Variants in PBX1 observed in about 807,000 individuals in gnomAD.
The protein encoded by PBX1 is pre-B-cell leukemia transcription factor 1.
A neutral mutation model predicts 53.4 loss-of-function variants in PBX1; 6 were observed. The ratio of observed to expected loss-of-function variants is 0.11; its 90% CI spans 0.06 to 0.22. PBX1 has a LOEUF of 0.22. Among genes scored for constraint, PBX1 ranks in the 10% least tolerant of loss-of-function variants. The pLI is 1.00. For missense variants in PBX1, 251 were observed against 551.4 expected, an observed-to-expected ratio of 0.46 and a Z score of 5.46; for synonymous variants, 204 against 212.3, an observed-to-expected ratio of 0.96 and a Z score of 0.34.
At chr1:164,707,416 T>TGAGAGAGAGAGA (rs1187837585) in intron 2 of PBX1, among the ~76,000 whole-genome samples, 1 of 106,048 alleles carries the variant, frequency 9.4e-6, no homozygotes, top group African/African-American at 4.7e-5. Context: ...TGTGTGTGTG[T>TGAGAGAGAGAGA]GTGAGAGAGA....
intron 2 of PBX1, among the ~76,000 whole-genome samples, chr1:164,666,434 T>C (rs1660811856): frequency 6.6e-6 from 1 of 152,228 alleles, no homozygotes; most frequent in Non-Finnish European, 1.5e-5. Flanking sequence ...CTAATGCTTA[T>C]GTTGTTATAA....
intron 1 of PBX1, chr1:164,562,965 T>TAA (rs34618409): frequency 1.1e-3 from 188 of 176,746 alleles, no homozygotes; most frequent in East Asian, 2.0e-3. Flanking sequence ...TTAAACTACT[T>TAA]AAAAAAAAAA....
intron 2 of PBX1, among the ~76,000 whole-genome samples, chr1:164,707,412 T>TGAGA (rs1222854394): frequency 1.9e-5 from 2 of 106,630 alleles, no homozygotes; most frequent in Admixed American, 8.9e-5. Flanking sequence ...TGTGTGTGTG[T>TGAGA]GTGTGTGAGA....
At chr1:164,745,541 T>C (rs1005667545) in intron 2 of PBX1, among the ~76,000 whole-genome samples, 14 of 152,172 alleles carry the variant, frequency 9.2e-5, no homozygotes, top group African/African-American at 3.4e-4. Flanking sequence ...CTGTGTAAAG[T>C]GATTTGAGGT....
At chr1:164,756,043 C>G (rs1270136925) in intron 2 of PBX1, among the ~76,000 whole-genome samples, 1 of 151,656 alleles carries the variant, frequency 6.6e-6, no homozygotes, top group Non-Finnish European at 1.5e-5. Flanking sequence ...CCCTTGCTTT[C>G]CCCTCTGCAC....
chr1:164,590,407 C>T (rs111700965), intron 2 of PBX1: 2 of 455,932 alleles, frequency 4.4e-6, no homozygotes, highest in African/African-American at 2.0e-5. Flanking sequence ...TGCTTCTTCC[C>T]AATCGCCGCC....
chr1:164,798,105 G>A, intron 3 of PBX1, among the ~76,000 whole-genome samples: 1 of 152,206 alleles, frequency 6.6e-6, no homozygotes, highest in East Asian at 1.9e-4. Context: ...ATTCATGGAG[G>A]CAGGGTCAAA....
Position 164,584,393 on chromosome 1 carries a change from T to C in PBX1, c.265+21082T>C, listed in dbSNP as rs72694593. The stretch of plus-strand genomic sequence containing the variant: ...AGAGAGAGAGAGAGAGATCTAAAAG[T>C]AGTATTGTCTGCTTGAAGGATACTA... On this transcript the variant is annotated intron_variant, in intron 2 of 8. Coordinates refer to ENST00000420696, the MANE Select transcript of PBX1 (RefSeq NM_002585.4). Among the ~76,000 whole-genome samples, 544 of 151,928 alleles carry C rather than the reference T, an allele frequency of 3.6e-3. 1 individual carries two copies. The highest frequency in any genetic ancestry group is 7.7e-3 in the Admixed American group (117 of 15,242).
chr1:164,660,775 G>A (rs1660442798), intron 2 of PBX1, among the ~76,000 whole-genome samples: 1 of 152,158 alleles, frequency 6.6e-6, no homozygotes, highest in South Asian at 2.1e-4. Context: ...TTTTTTTAAA[G>A]TATATTATTT....
chr1:164,593,928 C>G (rs1655582440), intron 2 of PBX1, among the ~76,000 whole-genome samples: 1 of 152,158 alleles, frequency 6.6e-6, no homozygotes, highest in African/African-American at 2.4e-5. Context: ...TAAGGTGAGG[C>G]TGATATTTTC....
At chr1:164,665,153 A>G (rs12562406) in intron 2 of PBX1, among the ~76,000 whole-genome samples, 11,895 of 152,304 alleles carry the variant, frequency 0.078, 828 homozygotes, top group African/African-American at 0.19. Flanking sequence ...TTGGCAACAT[A>G]GCTGTATCGG....
intron 2 of PBX1, chr1:164,657,305 G>T (rs531970196): frequency 6.6e-6 from 1 of 152,290 alleles, no homozygotes; most frequent in South Asian, 2.1e-4. Flanking sequence ...TATTCAGAAG[G>T]TGGGGACATC....
At chr1:164,700,243 G>A (rs923565915) in intron 2 of PBX1, among the ~76,000 whole-genome samples, 2 of 152,048 alleles carry the variant, frequency 1.3e-5, no homozygotes, top group African/African-American at 2.4e-5. Context: ...GGAGGCAAAC[G>A]CATTCTTAAT....
At chr1:164,795,272 T>C (rs764791117) in intron 3 of PBX1, among the ~76,000 whole-genome samples, 2 of 152,178 alleles carry the variant, frequency 1.3e-5, no homozygotes, top group African/African-American at 4.8e-5. Context: ...AGGGCTCTTA[T>C]TAGAATAATA....
At chr1:164,715,689 T>C (rs1346862093) in intron 2 of PBX1, among the ~76,000 whole-genome samples, 1 of 152,206 alleles carries the variant, frequency 6.6e-6, no homozygotes, top group East Asian at 1.9e-4. Flanking sequence ...AGCTCATGCC[T>C]TCAAAGTCTA....
At chr1:164,669,422 A>G (rs80097574) in intron 2 of PBX1, among the ~76,000 whole-genome samples, 6,057 of 152,250 alleles carry the variant, frequency 0.04, 251 homozygotes, top group African/African-American at 0.096. Flanking sequence ...CCTCTCCCAA[A>G]TCCACAGAGG....
chr1:164,721,731 T>C (rs1664416636), intron 2 of PBX1, among the ~76,000 whole-genome samples: 2 of 152,170 alleles, frequency 1.3e-5, no homozygotes. Flanking sequence ...GGCTCCTCCT[T>C]CTCGGCTTGA....
chr1:164,562,197 G>C (rs2101685259), intron 1 of PBX1, among the ~76,000 whole-genome samples: 1 of 152,124 alleles, frequency 6.6e-6, no homozygotes, highest in East Asian at 1.9e-4. Flanking sequence ...CATAGGGCAT[G>C]TTTCTGATCT....
chr1:164,730,565 T>C (rs1434065151), intron 2 of PBX1, among the ~76,000 whole-genome samples: 1 of 152,166 alleles, frequency 6.6e-6, no homozygotes, highest in Non-Finnish European at 1.5e-5. Flanking sequence ...GGTTCCATAC[T>C]CCAGTCCCTA....
Sources: gnomAD v4.1 joint callset for allele counts (sites outside exome capture counted in the v4.1 genomes callset) on GRCh38, gnomAD v4.1.1 for gene constraint, MANE v1.5 for transcripts, NCBI Gene and HGNC (gene_info 2026-07-23, HGNC 2026-07-21) for gene names.